Variants in TTC39B observed in about 807,000 individuals in gnomAD.
TTC39B encodes tetratricopeptide repeat protein 39B.
In TTC39B, 92 loss-of-function variants were observed where a neutral mutation model predicts 96.6. The ratio of observed to expected loss-of-function variants is 0.95; its 90% CI spans 0.80 to 1.13. The LOEUF (loss-of-function observed/expected upper bound fraction) is 1.13. Among genes scored for constraint, TTC39B ranks in the 50% most tolerant of loss-of-function variants. The pLI is 0.00. For synonymous variants in TTC39B, 367 were observed against 299.4 expected (o/e 1.23, Z -2.33); for missense variants, 955 against 809.3 (o/e 1.18, Z -2.18).
At chr9:15,218,740 G>A (rs779879177) in intron 3 of TTC39B, among the ~76,000 whole-genome samples, 1 of 151,200 alleles carries the variant, frequency 6.6e-6, no homozygotes, top group South Asian at 2.1e-4. Context: ...TATAAGCTTG[G>A]TTACAAAAAA....
chr9:15,210,200 G>GAA, intron 5 of TTC39B, 36 bp from the exon 6 acceptor site: 9 of 1,301,280 alleles, frequency 6.9e-6, no homozygotes, highest in Admixed American at 2.4e-5. Context: ...ATAGAAAATA[G>GAA]AAAAAAAAAA....
At chr9:15,186,912 A>T (rs748886004) in intron 15 of TTC39B, 32 bp downstream of exon 15, 4 of 1,596,190 alleles carry the variant, frequency 2.5e-6, no homozygotes, top group Non-Finnish European at 3.4e-6. Flanking sequence ...ATACCCTCAG[A>T]GCCTTTGTTA....
intron 3 of TTC39B, among the ~76,000 whole-genome samples, chr9:15,217,508 C>T (rs1281523575): frequency 6.6e-6 from 1 of 152,182 alleles, no homozygotes; most frequent in Non-Finnish European, 1.5e-5. Context: ...TAACACCCCT[C>T]TCCAGCACAC....
At chr9:15,247,154 G>A (rs929814709) in intron 2 of TTC39B, among the ~76,000 whole-genome samples, 5 of 152,204 alleles carry the variant, frequency 3.3e-5, no homozygotes, top group African/African-American at 1.2e-4. Context: ...GGAGAGAGAA[G>A]TGACATAACT....
exon 20 of TTC39B, chr9:15,168,062 T>C (rs949401125): frequency 1.3e-5 from 2 of 152,192 alleles, no homozygotes; most frequent in African/African-American, 4.8e-5. Flanking sequence ...GTGATCATAG[T>C]AGACAGCAAG....
chr9:15,231,336 C>A lies in TTC39B; in HGVS notation c.276-5324G>T, dbSNP rs1261738571. ...CCAGCTATGTGATTTTATATTCCCA[C>A]CAATAATGTACTAGATTCCCAATTT... is the stretch of plus-strand genomic sequence containing the variant. On this transcript the variant is annotated intron_variant, in intron 2 of 19. Transcript: ENST00000512701. Among the ~76,000 whole-genome samples the A allele has an allele frequency of 2.0e-5, 3 of 152,036 alleles. No individual in the cohort carries two copies. In the South Asian group the frequency reaches 6.2e-4, roughly 32 times the overall value.
chr9:15,166,699 T>C (rs1455529907), exon 20 of TTC39B: 1 of 151,802 alleles, frequency 6.6e-6, no homozygotes, highest in Non-Finnish European at 1.5e-5. Context: ...AAACAAGCAA[T>C]CTAACACTTA....
intron 18 of TTC39B, among the ~76,000 whole-genome samples, chr9:15,176,110 C>T (rs1180972007): frequency 1.3e-5 from 2 of 152,114 alleles, no homozygotes; most frequent in African/African-American, 4.8e-5. Context: ...ATGAAAGAGG[C>T]CCTGGGCAGA....
chr9:15,302,219 C>T (rs1428698862), intron 1 of TTC39B, among the ~76,000 whole-genome samples: 4 of 150,580 alleles, frequency 2.7e-5, no homozygotes, highest in Non-Finnish European at 5.9e-5. Flanking sequence ...CCAGCTTCTC[C>T]GGAGGCTGAG....
intron 3 of TTC39B, among the ~76,000 whole-genome samples, chr9:15,225,017 G>A (rs142351256): frequency 5.3e-5 from 8 of 152,206 alleles, no homozygotes; most frequent in African/African-American, 1.9e-4. Context: ...AAACCTCTAA[G>A]GATGGATGAA....
chr9:15,249,858 T>C (rs1010113730), intron 2 of TTC39B: 6 of 1,161,078 alleles, frequency 5.2e-6, no homozygotes, highest in Non-Finnish European at 6.5e-6. Context: ...CCCTCATAGA[T>C]TTAAAGAGAA....
chr9:15,242,903 A>C (rs774745552), intron 2 of TTC39B, among the ~76,000 whole-genome samples: 1 of 152,244 alleles, frequency 6.6e-6, no homozygotes, highest in Non-Finnish European at 1.5e-5. Flanking sequence ...ATGATTCTGT[A>C]ACAAAGGGCA....
intron 17 of TTC39B, among the ~76,000 whole-genome samples, chr9:15,178,027 G>A (rs1197614760): frequency 1.3e-5 from 2 of 151,568 alleles, no homozygotes; most frequent in African/African-American, 2.4e-5. Context: ...CCACCACCAC[G>A]CCCGGCTAAT....
intron 1 of TTC39B, among the ~76,000 whole-genome samples, chr9:15,280,792 C>A (rs1304812852): frequency 6.6e-6 from 1 of 152,092 alleles, no homozygotes; most frequent in Admixed American, 6.5e-5. Context: ...CTGGTCCTTC[C>A]CAATTCCAAA....
At chr9:15,175,198 T>C in intron 18 of TTC39B, 63 bp from the exon 19 acceptor site, 1 of 1,145,994 alleles carries the variant, frequency 8.7e-7, no homozygotes, top group Non-Finnish European at 1.3e-6. Context: ...TTTTTCTAAA[T>C]ATATATTATT....
At position 15,242,863 on chromosome 9, in the gene TTC39B, T is replaced by C. The variant is rs537031596; in HGVS notation, c.276-16851A>G. On this transcript the variant is annotated intron_variant, in intron 2 of 19. Transcript: ENST00000512701. ...GTTTGGAATTATCATAAAATAAAAA[T>C]GTTTTTTTAAAAGACTGCTTATTGG... Among the ~76,000 whole-genome samples, 85 of 152,364 alleles carry C rather than the reference T, an allele frequency of 5.6e-4. 1 individual carries two copies. Among genetic ancestry groups the C allele is most frequent in the Non-Finnish European group, 1.1e-3 (74 of 68,038 alleles).
At chr9:15,185,571 G>C (rs895247475) in intron 15 of TTC39B, 165 bp from the exon 16 acceptor site, 2 of 1,043,786 alleles carry the variant, frequency 1.9e-6, no homozygotes, top group Non-Finnish European at 2.7e-6. Context: ...TAGACCTACT[G>C]AATCAGCAAC....
intron 1 of TTC39B, among the ~76,000 whole-genome samples, chr9:15,297,325 T>C (rs975782750): frequency 6.6e-6 from 1 of 152,220 alleles, no homozygotes. Context: ...AGACAGATCA[T>C]CAGTTTCAAC....
At chr9:15,185,043 A>C (rs1818444595) in intron 16 of TTC39B, among the ~76,000 whole-genome samples, 1 of 152,244 alleles carries the variant, frequency 6.6e-6, no homozygotes, top group Non-Finnish European at 1.5e-5. Flanking sequence ...AGTTATAAGA[A>C]TAAAATGATA....
Sources: gnomAD v4.1 joint callset for allele counts (sites outside exome capture counted in the v4.1 genomes callset) on GRCh38, gnomAD v4.1.1 for gene constraint, MANE v1.5 for transcripts, NCBI Gene and HGNC (gene_info 2026-07-23, HGNC 2026-07-21) for gene names.